ZSWIM5: variants seen among roughly 807,000 people sequenced by gnomAD.
ZSWIM5 encodes zinc finger SWIM-type containing 5.
ZSWIM5 carries 55 observed loss-of-function variants against 119.6 expected under a neutral mutation model. The ratio of observed to expected loss-of-function variants is 0.46; its 90% CI spans 0.37 to 0.58. ZSWIM5 has a LOEUF of 0.58. Among genes scored for constraint, ZSWIM5 ranks in the 20% least tolerant of loss-of-function variants. The pLI, the probability that ZSWIM5 is intolerant of heterozygous loss-of-function variation, is 0.00. For missense variants in ZSWIM5, 1,193 were observed against 1,512.8 expected (o/e 0.79, Z 3.51); for synonymous variants, 537 against 606.9 (o/e 0.88, Z 1.69).
intron 4 of ZSWIM5, among the ~76,000 whole-genome samples, chr1:45,052,333 G>A (rs1645094176): frequency 1.3e-5 from 2 of 152,020 alleles, no homozygotes; most frequent in Non-Finnish European, 2.9e-5. Flanking sequence ...GCTGCAGTAT[G>A]TCTTAATATA....
Position 45,039,076 on chromosome 1 carries a change from G to A in ZSWIM5, c.1757-3C>T. 6.2e-7 allele frequency: 1 copy of A among 1,613,986 alleles called. No individual in the cohort carries two copies. Among genetic ancestry groups the A allele is most frequent in the Non-Finnish European group, 8.5e-7 (1 of 1,179,918 alleles). On this transcript the variant is annotated splice_region_variant and splice_polypyrimidine_tract_variant and intron_variant, in intron 7 of 13. Transcript: ENST00000359600. ...TGTGGTTCCTCTCTGCAACAGTTCT[G>A]GAAACAAGCAGGTTAAAATTTTAGA...
chr1:45,075,366 C>T (rs549880968), intron 2 of ZSWIM5, among the ~76,000 whole-genome samples: 1 of 150,344 alleles, frequency 6.7e-6, no homozygotes, highest in African/African-American at 2.5e-5. Flanking sequence ...ATAGTATTTG[C>T]TCTATATATT....
chr1:45,079,116 C>A (rs1441465417), intron 2 of ZSWIM5, among the ~76,000 whole-genome samples: 2 of 152,168 alleles, frequency 1.3e-5, no homozygotes, highest in Non-Finnish European at 2.9e-5. Context: ...CCTGGCTCAT[C>A]CTGGCTCAAA....
chr1:45,041,971 T>G (rs1645020515), intron 6 of ZSWIM5, among the ~76,000 whole-genome samples: 1 of 152,246 alleles, frequency 6.6e-6, no homozygotes, highest in Admixed American at 6.5e-5. Context: ...TGATTACATA[T>G]AATTCTGGTG....
intron 1 of ZSWIM5, among the ~76,000 whole-genome samples, chr1:45,184,706 T>C (rs915453817): frequency 3.3e-5 from 5 of 152,104 alleles, no homozygotes; most frequent in South Asian, 2.1e-4. Flanking sequence ...TGTGAAGGAC[T>C]TCTTCAAGGA....
intron 1 of ZSWIM5, among the ~76,000 whole-genome samples, chr1:45,131,864 A>C (rs1435402425): frequency 1.3e-5 from 2 of 151,530 alleles, no homozygotes; most frequent in East Asian, 3.9e-4. Context: ...TCTTACAATT[A>C]GTAGCTAACA....
chr1:45,134,030 G>T (rs1253439820), intron 1 of ZSWIM5, among the ~76,000 whole-genome samples: 1 of 152,186 alleles, frequency 6.6e-6, no homozygotes, highest in East Asian at 1.9e-4. Context: ...AGTATAGTTT[G>T]AAGTCAGGTA....
chr1:45,030,493 C>T (rs1386838508), intron 11 of ZSWIM5, among the ~76,000 whole-genome samples: 1 of 152,150 alleles, frequency 6.6e-6, no homozygotes, highest in African/African-American at 2.4e-5. Context: ...GTTATCCGCC[C>T]GCCTCAGCCT....
chr1:45,039,931 C>G (rs945979680), intron 7 of ZSWIM5, among the ~76,000 whole-genome samples: 1 of 152,114 alleles, frequency 6.6e-6, no homozygotes, highest in Non-Finnish European at 1.5e-5. Context: ...GTCTCGAACT[C>G]CCGACCTCAG....
At chr1:45,165,185 T>C (rs566816139) in intron 1 of ZSWIM5, among the ~76,000 whole-genome samples, 16 of 152,186 alleles carry the variant, frequency 1.1e-4, no homozygotes, top group African/African-American at 3.9e-4. Context: ...CTCGAGTACA[T>C]GGAAACTAAA....
chr1:45,037,108 C>CT (rs57405864), intron 8 of ZSWIM5, among the ~76,000 whole-genome samples: 9 of 90,578 alleles, frequency 9.9e-5, no homozygotes, highest in African/African-American at 2.2e-4. Context: ...GCCCCACCTC[C>CT]TTTTTTTTTT....
rs762477083 is a variant in ZSWIM5 at position 45,036,026 on chromosome 1, C to CT, written c.2155+12dup. 3 of 1,611,478 alleles carry CT rather than the reference C, an allele frequency of 1.9e-6. No individual in the cohort carries two copies. In the African/African-American group the frequency reaches 4.0e-5, roughly 22 times the overall value. On this transcript the variant is annotated intron_variant, in intron 9 of 13. Transcript: ENST00000359600. ...GCCAAAGACACCGTGACAAGAGACT[C>CT]TTTTCTACTTACCTTCCAGCAGTAA...
chr1:45,117,366 T>G (rs942358978), intron 1 of ZSWIM5, among the ~76,000 whole-genome samples: 1 of 139,948 alleles, frequency 7.1e-6, no homozygotes, highest in South Asian at 2.1e-4. Flanking sequence ...GTTGCCCAGT[T>G]AAATTCACTT....
intron 1 of ZSWIM5, among the ~76,000 whole-genome samples, chr1:45,098,320 T>G (rs963085999): frequency 1.4e-4 from 21 of 152,154 alleles, no homozygotes; most frequent in African/African-American, 5.1e-4. Context: ...TCCTGTGGAT[T>G]CTGCCTCCTA....
At chr1:45,099,301 G>A (rs1272652653) in intron 1 of ZSWIM5, among the ~76,000 whole-genome samples, 1 of 152,172 alleles carries the variant, frequency 6.6e-6, no homozygotes, top group Non-Finnish European at 1.5e-5. Context: ...AAATCTAGAA[G>A]AAATGGATAA....
Position 45,155,846 on chromosome 1 carries a change from G to A in ZSWIM5, c.595+49910C>T, listed in dbSNP as rs528208547. ...GGAGCTAAACTATGAGGATGCAAAG[G>A]GATAAGAAGGATTCGATGAACTTTG... On this transcript the variant is annotated intron_variant, in intron 1 of 13. Transcript: ENST00000359600. 1.2e-4 allele frequency among the ~76,000 whole-genome samples: 18 copies of A among 152,238 alleles called. No homozygotes were observed. In the South Asian group the frequency reaches 2.5e-3, roughly 21 times the overall value.
chr1:45,114,990 G>A (rs1645542020), intron 1 of ZSWIM5, among the ~76,000 whole-genome samples: 1 of 152,218 alleles, frequency 6.6e-6, no homozygotes, highest in Non-Finnish European at 1.5e-5. Flanking sequence ...AGCATCCCAA[G>A]GCAGAAGAAT....
intron 1 of ZSWIM5, 139 bp downstream of exon 1, chr1:45,205,617 T>G: frequency 2.2e-6 from 2 of 907,166 alleles, no homozygotes; most frequent in Non-Finnish European, 1.5e-6. Context: ...TGAAAAAAGT[T>G]TTTGTGACTT....
chr1:45,033,495 T>A (rs1434408321), intron 11 of ZSWIM5, among the ~76,000 whole-genome samples: 4 of 152,190 alleles, frequency 2.6e-5, no homozygotes, highest in African/African-American at 7.2e-5. Flanking sequence ...ATATAGGGGC[T>A]TACTTTCACT....
Sources: gnomAD v4.1 joint callset for allele counts (sites outside exome capture counted in the v4.1 genomes callset) on GRCh38, gnomAD v4.1.1 for gene constraint, MANE v1.5 for transcripts, NCBI Gene and HGNC (gene_info 2026-07-23, HGNC 2026-07-21) for gene names.